HEATR5B: variants seen among roughly 807,000 people sequenced by gnomAD.
HEATR5B encodes the protein HEAT repeat-containing protein 5B.
A neutral mutation model predicts 224.1 loss-of-function variants in HEATR5B; 156 were observed. The observed-to-expected ratio is 0.70, with a 90% CI of 0.61 to 0.80. The LOEUF (loss-of-function observed/expected upper bound fraction) is 0.80. Among genes scored for constraint, HEATR5B ranks in the 30% least tolerant of loss-of-function variants. The pLI is 0.00. For missense variants in HEATR5B, 2,323 were observed against 2,535.5 expected, an observed-to-expected ratio of 0.92 and a Z score of 1.80; for synonymous variants, 1,027 against 893.0, an observed-to-expected ratio of 1.15 and a Z score of -2.68.
intron 26 of HEATR5B, among the ~76,000 whole-genome samples, chr2:37,015,239 T>C (rs1457814977): frequency 1.3e-5 from 2 of 152,194 alleles, no homozygotes. Flanking sequence ...AGGTAAAATT[T>C]ACATTCCATG....
chr2:37,020,880 A>G, intron 24 of HEATR5B, 44 bp from the exon 25 acceptor site: 1 of 1,047,760 alleles, frequency 9.5e-7, no homozygotes, highest in South Asian at 1.9e-5. Flanking sequence ...TTTTCCAAAA[A>G]TAAGTGTAAT....
intron 33 of HEATR5B, among the ~76,000 whole-genome samples, chr2:36,995,596 G>C (rs1455336159): frequency 2.0e-5 from 3 of 152,076 alleles, no homozygotes; most frequent in Non-Finnish European, 4.4e-5. Flanking sequence ...TAGAAAAAGA[G>C]TATAGGAGAG....
chr2:37,041,447 T>G (rs1669863610), intron 18 of HEATR5B, among the ~76,000 whole-genome samples, 155 bp from the exon 19 acceptor site: 1 of 152,166 alleles, frequency 6.6e-6, no homozygotes, highest in Non-Finnish European at 1.5e-5. Flanking sequence ...AGTTAGAACT[T>G]CAATTTAAAA....
intron 33 of HEATR5B, among the ~76,000 whole-genome samples, chr2:36,996,812 G>T (rs185376014): frequency 0.01 from 1,591 of 152,220 alleles, 11 homozygotes; most frequent in Non-Finnish European, 0.017. Flanking sequence ...GGCTGGTCTT[G>T]AACTCCTGAC....
intron 5 of HEATR5B, among the ~76,000 whole-genome samples, chr2:37,073,826 G>A (rs938077547): frequency 6.6e-6 from 1 of 152,110 alleles, no homozygotes; most frequent in Non-Finnish European, 1.5e-5. Flanking sequence ...AAAGAACAAA[G>A]TTGGAGGGCT....
intron 35 of HEATR5B, among the ~76,000 whole-genome samples, chr2:36,984,833 T>C (rs920993855): frequency 9.2e-5 from 14 of 152,130 alleles, no homozygotes; most frequent in African/African-American, 3.4e-4. Flanking sequence ...ATGGGGAATA[T>C]CAGCTAGGAA....
chr2:37,040,189 A>G (rs1669784951), intron 20 of HEATR5B, 140 bp downstream of exon 20: 1 of 658,242 alleles, frequency 1.5e-6, no homozygotes, highest in Non-Finnish European at 2.6e-6. Flanking sequence ...GCTGAGTGCC[A>G]GGCTTTCAGT....
At chr2:37,044,730 A>AT (rs1342034695) in intron 18 of HEATR5B, among the ~76,000 whole-genome samples, 3 of 152,232 alleles carry the variant, frequency 2.0e-5, no homozygotes, top group Admixed American at 2.0e-4. Flanking sequence ...TACTGGCAAT[A>AT]TATAAGAGTT....
At chr2:37,034,307 T>A (rs1348238405) in intron 21 of HEATR5B, among the ~76,000 whole-genome samples, 1 of 140,706 alleles carries the variant, frequency 7.1e-6, no homozygotes, top group Non-Finnish European at 1.6e-5. Flanking sequence ...CACCTGGCTG[T>A]TTGTTTTGTT....
At chr2:37,028,548 T>G in intron 23 of HEATR5B, 133 bp downstream of exon 23, 1 of 646,148 alleles carries the variant, frequency 1.5e-6, no homozygotes, top group Non-Finnish European at 2.4e-6. Flanking sequence ...TGACAGAGAT[T>G]TGTAGATCAA....
intron 10 of HEATR5B, among the ~76,000 whole-genome samples, chr2:37,064,488 G>GT (rs1295164171): frequency 6.6e-6 from 1 of 150,992 alleles, no homozygotes; most frequent in Non-Finnish European, 1.5e-5. Context: ...TGCCTAGGCT[G>GT]TTTTTTTTCT....
intron 19 of HEATR5B, 131 bp from the exon 20 acceptor site, chr2:37,040,649 T>A (rs1389248626): frequency 1.6e-6 from 1 of 611,328 alleles, no homozygotes; most frequent in Non-Finnish European, 2.8e-6. Context: ...CAAATCCAGA[T>A]TGTAGGATGT....
intron 3 of HEATR5B, among the ~76,000 whole-genome samples, chr2:37,077,309 T>C (rs1672295607): frequency 1.3e-5 from 2 of 152,104 alleles, no homozygotes; most frequent in South Asian, 4.2e-4. Flanking sequence ...TCCAAGCTTT[T>C]CTTTTTTTTT....
At position 36,988,745 on chromosome 2, in the gene HEATR5B, C is replaced by T. The variant is rs768831786; in HGVS notation, c.5812G>A (p.Val1938Ile). 6.2e-7 allele frequency: 1 copy of T among 1,614,072 alleles called. No individual in the cohort carries two copies. The highest frequency in any genetic ancestry group is 8.5e-7 in the Non-Finnish European group (1 of 1,180,002). ...TTACTGGCTGGTCTGTTTCTTTCAA[C>T]AGCTTTTAGCTTTTCAACCACTATT... is the stretch of plus-strand genomic sequence containing the variant. ...APIVVEKLKAVERNRPASNIE... is the reference protein window; with the variant it reads ...APIVVEKLKAIERNRPASNIE... Residue 1938 changes from valine to isoleucine, a missense_variant, in exon 35 of 36, where the codon GTT (valine) becomes ATT (isoleucine). This residue lies in a region of HEATR5B where 844 missense variants were observed against 812.9 expected (regional missense o/e 1.04). Coordinates refer to ENST00000233099, the MANE Select transcript of HEATR5B (RefSeq NM_019024.3).
intron 6 of HEATR5B, among the ~76,000 whole-genome samples, chr2:37,071,130 A>ACATCATCATCATCATCAT (rs57358811): frequency 6.6e-6 from 1 of 151,084 alleles, no homozygotes; most frequent in Non-Finnish European, 1.5e-5. Context: ...TTAAAACATT[A>ACATCATCATCATCATCAT]CATCATCATC....
intron 21 of HEATR5B, among the ~76,000 whole-genome samples, chr2:37,036,458 C>A (rs1424155886): frequency 6.6e-6 from 1 of 152,080 alleles, no homozygotes; most frequent in Non-Finnish European, 1.5e-5. Flanking sequence ...ACTTCAATAT[C>A]ATGCCCTTTG....
chr2:36,998,314 A>C (rs1666862391), intron 33 of HEATR5B, among the ~76,000 whole-genome samples: 1 of 152,264 alleles, frequency 6.6e-6, no homozygotes, highest in Admixed American at 6.5e-5. Flanking sequence ...GTTAATGCTT[A>C]CTAAGAAAAT....
At chr2:37,003,725 A>G in intron 30 of HEATR5B, 39 bp from the exon 31 acceptor site, 1 of 1,400,322 alleles carries the variant, frequency 7.1e-7, no homozygotes, top group East Asian at 2.5e-5. Flanking sequence ...AGTAATTTCA[A>G]TCTCAAAGAA....
Position 37,079,176 on chromosome 2 carries a change from T to G in HEATR5B, c.282A>C (p.Lys94Asn). 1 of 1,610,740 alleles carries G rather than the reference T, an allele frequency of 6.2e-7. No homozygotes were observed. Among genetic ancestry groups the G allele is most frequent in the Non-Finnish European group, 8.5e-7 (1 of 1,177,368 alleles). ...CTTTATTTCTGATAATGTCATTGCATTTATCAAGTGTCTGAAAAACTGTGA... is the reference window on the plus strand; with the variant it reads ...CTTTATTTCTGATAATGTCATTGCAGTTATCAAGTGTCTGAAAAACTGTGA... The part of the protein sequence containing the change: ...DTFTVFQTLD[K>N]CNDIIRNKDD... Residue 94 changes from lysine (K) to asparagine (N), a missense_variant, in exon 3 of 36, where the codon AAA (lysine) becomes AAC (asparagine). By Grantham distance (94) the Lys-to-Asn change is moderately conservative. Around this residue, in one of 12 missense-constraint regions of HEATR5B, gnomAD observed 292 missense variants for 332.6 expected, o/e 0.88. Transcript: ENST00000233099.
Sources: allele counts gnomAD v4.1 joint callset (sites outside exome capture counted in the v4.1 genomes callset), GRCh38; gene constraint gnomAD v4.1.1; regional missense constraint gnomAD v4.1.1; transcripts MANE v1.5; gene names NCBI Gene and HGNC (gene_info 2026-07-23, HGNC 2026-07-21).